Variants in TBPL2 observed in about 807,000 individuals in gnomAD.
TBPL2 encodes the protein TATA-box binding protein like 2, also known as TATA box-binding protein-like 2.
A neutral mutation model predicts 38.2 loss-of-function variants in TBPL2; 40 were observed. The observed-to-expected ratio is 1.05, with a 90% CI of 0.81 to 1.36. The LOEUF (loss-of-function observed/expected upper bound fraction) is 1.36, where lower values mean the gene tolerates loss of function less well. Ranked by LOEUF, TBPL2 falls within the 40% of genes most tolerant of loss-of-function variation. The probability of loss-of-function intolerance (pLI) is 0.00; values close to 1 mark genes in which losing one functional copy is unlikely to be tolerated. For missense variants in TBPL2, 461 were observed against 456.7 expected (o/e 1.01, Z -0.09); for synonymous variants, 169 against 171.7 (o/e 0.98, Z 0.12).
intron 4 of TBPL2, among the ~76,000 whole-genome samples, chr14:55,432,429 CA>C (rs1885944902): frequency 7.2e-6 from 1 of 138,956 alleles, no homozygotes; most frequent in Non-Finnish European, 1.5e-5. Flanking sequence ...AAAAAAACAA[CA>C]AATAAACAAA....
intron 6 of TBPL2, among the ~76,000 whole-genome samples, chr14:55,422,688 C>T (rs1400748325): frequency 2.0e-5 from 3 of 152,008 alleles, no homozygotes; most frequent in Non-Finnish European, 2.9e-5. Context: ...CCCATCTCTT[C>T]GAAAAATACA....
At chr14:55,419,198 C>T (rs1199403313) in intron 6 of TBPL2, among the ~76,000 whole-genome samples, 1 of 152,236 alleles carries the variant, frequency 6.6e-6, no homozygotes, top group Admixed American at 6.5e-5. Flanking sequence ...CCTGGCTCCT[C>T]ACATGCCTGT....
At chr14:55,434,936 C>G (rs1004283991) in intron 3 of TBPL2, among the ~76,000 whole-genome samples, 2 of 152,168 alleles carry the variant, frequency 1.3e-5, no homozygotes, top group African/African-American at 4.8e-5. Context: ...CTTTGTACTC[C>G]TAAGTACAGA....
At chr14:55,414,232 G>A (rs762740605) in exon 7 of TBPL2, 69 of 615,794 alleles carry the variant, frequency 1.1e-4, no homozygotes, top group Non-Finnish European at 1.9e-4. Context: ...ATTTTTCTTC[G>A]TTTCTTAGGT....
chr14:55,436,401 A>G lies in TBPL2; in HGVS notation c.608+160T>C, dbSNP rs115024298. On this transcript the variant is annotated intron_variant, in intron 2 of 6. Transcript: ENST00000247219. ...TTAGTGCTTTGCCTTACAGATAATC[A>G]AACTGTCTAAAGCCACAATCCATTT... is the stretch of plus-strand genomic sequence containing the variant. 8.6e-3 allele frequency among the ~76,000 whole-genome samples: 1,311 copies of G among 152,330 alleles called. 17 individuals carry two copies. Among genetic ancestry groups the G allele is most frequent in the African/African-American group, 0.03 (1,239 of 41,574 alleles).
At chr14:55,430,613 C>G (rs1475165219) in intron 4 of TBPL2, among the ~76,000 whole-genome samples, 1 of 152,048 alleles carries the variant, frequency 6.6e-6, no homozygotes, top group African/African-American at 2.4e-5. Flanking sequence ...CCAGGCTGGG[C>G]TCAAACTCCA....
At position 55,414,469 on chromosome 14, in the gene TBPL2, C is replaced by G. The variant is rs1472124733; in HGVS notation, c.1052-14G>C. ...GTTCTTTGGCACCTATAAAGAAATCCAGGTTTATATAATTTTTAATATAAA... is the reference window on the plus strand; with the variant it reads ...GTTCTTTGGCACCTATAAAGAAATCGAGGTTTATATAATTTTTAATATAAA... On this transcript the variant is annotated splice_polypyrimidine_tract_variant and intron_variant, in intron 6 of 6. Transcript: ENST00000247219. The G allele has an allele frequency of 6.4e-7, 1 of 1,572,630 alleles. No homozygotes were observed. Among genetic ancestry groups the G allele is most frequent in the Admixed American group, 1.8e-5 (1 of 55,060 alleles).
intron 5 of TBPL2, among the ~76,000 whole-genome samples, chr14:55,424,826 G>A (rs545657669): frequency 6.6e-6 from 1 of 152,106 alleles, no homozygotes; most frequent in Non-Finnish European, 1.5e-5. Flanking sequence ...CTAAATATAA[G>A]CTGGCCACTC....
chr14:55,419,659 C>T (rs1885714582), intron 6 of TBPL2, among the ~76,000 whole-genome samples: 1 of 152,196 alleles, frequency 6.6e-6, no homozygotes, highest in Non-Finnish European at 1.5e-5. Context: ...TAACCTTAGA[C>T]ATGGTGGCTG....
intron 1 of TBPL2, among the ~76,000 whole-genome samples, chr14:55,439,264 A>G (rs1292605477): frequency 7.2e-6 from 1 of 138,608 alleles, no homozygotes; most frequent in Non-Finnish European, 1.5e-5. Context: ...TTAAGTCTTA[A>G]GAGTAATTAA....
chr14:55,435,865 A>AT lies in TBPL2; in HGVS notation c.677dup (p.Asn226LysfsTer5). ...ATGTTACCTTTGGGTTATATTCTGC[A>AT]TTTTTTGCATGCAAAGCTATTTTCT... On this transcript the variant is annotated frameshift_variant, in exon 3 of 7. Transcript: ENST00000247219. LOFTEE classifies it high-confidence loss of function. 2 of 1,569,720 alleles carry AT rather than the reference A, an allele frequency of 1.3e-6. No homozygotes were observed. Among genetic ancestry groups the AT allele is most frequent in the Non-Finnish European group, 8.6e-7 (1 of 1,166,900 alleles).
intron 5 of TBPL2, among the ~76,000 whole-genome samples, chr14:55,428,229 T>A (rs1196656869): frequency 5.5e-5 from 8 of 144,914 alleles, no homozygotes; most frequent in Non-Finnish European, 1.0e-4. Flanking sequence ...TCCTGGGTTC[T>A]GGCCATTCTT....
At chr14:55,421,138 T>C (rs941558700) in intron 6 of TBPL2, among the ~76,000 whole-genome samples, 1 of 151,334 alleles carries the variant, frequency 6.6e-6, no homozygotes, top group African/African-American at 2.4e-5. Context: ...TTTAAAGAAA[T>C]CTATAATAGG....
chr14:55,428,230 G>C (rs1030464312), intron 5 of TBPL2, among the ~76,000 whole-genome samples: 8 of 143,578 alleles, frequency 5.6e-5, no homozygotes, highest in Non-Finnish European at 1.0e-4. Flanking sequence ...CCTGGGTTCT[G>C]GCCATTCTTC....
At chr14:55,417,487 T>A (rs966522876) in intron 6 of TBPL2, among the ~76,000 whole-genome samples, 2 of 131,792 alleles carry the variant, frequency 1.5e-5, no homozygotes, top group African/African-American at 2.9e-5. Context: ...AAAGTCTCGC[T>A]CGGTCACCCA....
chr14:55,433,588 A>G, intron 4 of TBPL2, 42 bp downstream of exon 4: 1 of 1,558,192 alleles, frequency 6.4e-7, no homozygotes, highest in Non-Finnish European at 8.8e-7. Flanking sequence ...TTTACATACT[A>G]AATTGTTTCT....
chr14:55,422,348 C>G (rs574452599), intron 6 of TBPL2, among the ~76,000 whole-genome samples: 3 of 152,006 alleles, frequency 2.0e-5, no homozygotes, highest in African/African-American at 7.2e-5. Context: ...TAGGTTCAAG[C>G]GATTCTCCTG....
At chr14:55,433,593 G>GT in intron 4 of TBPL2, 37 bp downstream of exon 4, 1 of 1,568,776 alleles carries the variant, frequency 6.4e-7, no homozygotes, top group African/African-American at 1.4e-5. Flanking sequence ...ATACTAAATT[G>GT]TTTCTCTGGT....
chr14:55,424,736 A>T (rs1441577262), intron 5 of TBPL2, among the ~76,000 whole-genome samples: 1 of 152,242 alleles, frequency 6.6e-6, no homozygotes, highest in Non-Finnish European at 1.5e-5. Flanking sequence ...AACAGGTGCT[A>T]TATAAATAAA....
Sources: gnomAD v4.1 joint callset for allele counts (sites outside exome capture counted in the v4.1 genomes callset) on GRCh38, gnomAD v4.1.1 for gene constraint, MANE v1.5 for transcripts, NCBI Gene and HGNC (gene_info 2026-07-23, HGNC 2026-07-21) for gene names.